SAMSN1: variants seen among roughly 807,000 people sequenced by gnomAD.
The protein encoded by SAMSN1 is SAM domain-containing protein SAMSN-1.
Under a neutral mutation model 42.0 loss-of-function variants are expected in SAMSN1, and 31 were observed. That is an observed-to-expected ratio of 0.74 (90% CI 0.55 to 1.00). SAMSN1 has a LOEUF of 1.00. SAMSN1 is among the 50% of genes least tolerant of loss of function. The probability of loss-of-function intolerance (pLI) is 0.00; values close to 1 mark genes in which losing one functional copy is unlikely to be tolerated. For missense variants in SAMSN1, 464 were observed against 439.4 expected (o/e 1.06, Z -0.50); for synonymous variants, 178 against 151.9 (o/e 1.17, Z -1.26).
At chr21:14,506,007 A>G (rs1018247840) in intron 5 of SAMSN1, among the ~76,000 whole-genome samples, 2 of 152,296 alleles carry the variant, frequency 1.3e-5, no homozygotes, top group African/African-American at 4.8e-5. Flanking sequence ...ATGGAAATTA[A>G]AAAATTCTTT....
chr21:14,572,019 T>G (rs1293688992), intron 2 of SAMSN1, among the ~76,000 whole-genome samples: 1 of 152,030 alleles, frequency 6.6e-6, no homozygotes, highest in East Asian at 1.9e-4. Flanking sequence ...AATACAGAAT[T>G]GTTGATGGTG....
intron 2 of SAMSN1, among the ~76,000 whole-genome samples, chr21:14,575,642 C>T (rs1349015713): frequency 6.6e-6 from 1 of 152,194 alleles, no homozygotes; most frequent in African/African-American, 2.4e-5. Context: ...AGTTCATAGT[C>T]TACCTTCTTC....
In SAMSN1 at chr21:14,486,031, G is replaced by A; in HGVS notation, c.1003C>T (p.Pro335Ser). The A allele has an allele frequency of 6.2e-7, 1 of 1,613,296 alleles. No homozygotes were observed. Among genetic ancestry groups the A allele is most frequent in the Non-Finnish European group, 8.5e-7 (1 of 1,179,412 alleles). The change falls in exon 8 of 8, where the codon CCA (proline) becomes TCA (serine). Residue 335 changes from proline (P) to serine (S), a missense_variant. Physicochemically the swap from Pro to Ser is moderately conservative, Grantham distance 74. Coordinates refer to ENST00000400566, the MANE Select transcript of SAMSN1 (RefSeq NM_022136.5). ...GAGATATAGCAACCAGAGTCCCTTG[G>A]GCAGTCATCTAACTGTGACTTATTT... ...SLNKSQLDDCPRDSGCYISSG... is the reference protein window; with the variant it reads ...SLNKSQLDDCSRDSGCYISSG...
At chr21:14,588,892 A>G (rs887625389) in intron 7 of SAMSN1, among the ~76,000 whole-genome samples, 1 of 152,096 alleles carries the variant, frequency 6.6e-6, no homozygotes, top group Non-Finnish European at 1.5e-5. Context: ...TGTAATTTAG[A>G]GTCTTCTTTG....
At chr21:14,585,843 C>G (rs1163001727), upstream of SAMSN1, among the ~76,000 whole-genome samples, 4 of 152,176 alleles carry the variant, frequency 2.6e-5, no homozygotes, top group Non-Finnish European at 5.9e-5. Flanking sequence ...TTTCTAGTAG[C>G]AAATTATTTC....
At chr21:14,650,397 T>C (rs1180166649) in intron 1 of SAMSN1, among the ~76,000 whole-genome samples, 1 of 152,016 alleles carries the variant, frequency 6.6e-6, no homozygotes, top group African/African-American at 2.4e-5. Context: ...TTGGAAACTA[T>C]ACAACATGGA....
intron 6 of SAMSN1, among the ~76,000 whole-genome samples, chr21:14,600,257 A>G (rs1434952988): frequency 2.0e-5 from 3 of 152,176 alleles, no homozygotes; most frequent in Non-Finnish European, 4.4e-5. Context: ...CTTTCAACAG[A>G]TAGTTTGCAT....
intron 1 of SAMSN1, chr21:14,643,222 G>C: frequency 1.6e-6 from 1 of 645,126 alleles, no homozygotes; most frequent in Non-Finnish European, 2.8e-6. Flanking sequence ...CCTTTATATA[G>C]TACTTTATTT....
At chr21:14,541,038 A>T (rs887770110) in intron 1 of SAMSN1, among the ~76,000 whole-genome samples, 42 of 151,112 alleles carry the variant, frequency 2.8e-4, no homozygotes, top group Admixed American at 2.8e-3. Context: ...AGGACGGAAA[A>T]CCAAACACCG....
intron 5 of SAMSN1, among the ~76,000 whole-genome samples, chr21:14,605,844 A>T (rs1052305117): frequency 2.8e-4 from 41 of 147,906 alleles, no homozygotes; most frequent in Admixed American, 1.1e-3. Context: ...TTATTTATTT[A>T]TTTATTTATT....
chr21:14,571,717 G>C (rs976517396), intron 2 of SAMSN1, among the ~76,000 whole-genome samples: 2 of 152,158 alleles, frequency 1.3e-5, no homozygotes, highest in Non-Finnish European at 2.9e-5. Context: ...GCAAGACACT[G>C]TCAATACAGT....
At chr21:14,545,218 A>G (rs1980310266) in intron 1 of SAMSN1, among the ~76,000 whole-genome samples, 1 of 152,140 alleles carries the variant, frequency 6.6e-6, no homozygotes, top group South Asian at 2.1e-4. Context: ...GGTAACTTCC[A>G]AAGAGTTTCA....
At chr21:14,659,379 A>G (rs969879204), upstream of SAMSN1, among the ~76,000 whole-genome samples, 1 of 151,932 alleles carries the variant, frequency 6.6e-6, no homozygotes, top group African/African-American at 2.4e-5. Flanking sequence ...TGTCACCACC[A>G]TGAATCTCCA....
At chr21:14,493,992 C>T (rs557377859) in intron 7 of SAMSN1, among the ~76,000 whole-genome samples, 1 of 152,130 alleles carries the variant, frequency 6.6e-6, no homozygotes, top group Non-Finnish European at 1.5e-5. Flanking sequence ...CTTTACTTCC[C>T]ACCAAGCAGT....
chr21:14,566,394 T>C (rs1981117748), intron 2 of SAMSN1, among the ~76,000 whole-genome samples: 1 of 152,166 alleles, frequency 6.6e-6, no homozygotes, highest in Non-Finnish European at 1.5e-5. Flanking sequence ...TATTCTGACA[T>C]TTAAAGGAAG....
At chr21:14,554,092 A>G (rs1480300001) in intron 2 of SAMSN1, among the ~76,000 whole-genome samples, 1 of 152,156 alleles carries the variant, frequency 6.6e-6, no homozygotes, top group Non-Finnish European at 1.5e-5. Context: ...ACTAATTACT[A>G]TAATAAATAC....
chr21:14,489,144 G>A (rs186172169), intron 7 of SAMSN1, among the ~76,000 whole-genome samples: 6 of 152,262 alleles, frequency 3.9e-5, no homozygotes, highest in East Asian at 1.9e-4. Flanking sequence ...CCATGAAACA[G>A]AGTAAAGCTA....
intron 2 of SAMSN1, among the ~76,000 whole-genome samples, chr21:14,628,548 C>T (rs1248556040): frequency 6.6e-6 from 1 of 152,018 alleles, no homozygotes; most frequent in Non-Finnish European, 1.5e-5. Flanking sequence ...ATTTTCAAAA[C>T]GAGAAGATTT....
At chr21:14,621,595 G>GGACGGGCGCCCACCATTGCT (rs1555844604) in intron 2 of SAMSN1, among the ~76,000 whole-genome samples, 12 of 151,678 alleles carry the variant, frequency 7.9e-5, no homozygotes, top group Non-Finnish European at 1.6e-4. Flanking sequence ...AGAGGCTGGG[G>GGACGGGCGCCCACCATTGCT]GAGGCTTGAG....
Sources: allele counts gnomAD v4.1 joint callset (sites outside exome capture counted in the v4.1 genomes callset), GRCh38; gene constraint gnomAD v4.1.1; transcripts MANE v1.5; gene names NCBI Gene and HGNC (gene_info 2026-07-23, HGNC 2026-07-21).